Variants in ATG2B observed in about 807,000 individuals in gnomAD.
ATG2B encodes the protein autophagy related 2B, also known as autophagy-related protein 2 homolog B.
In ATG2B, 121 loss-of-function variants were observed where a neutral mutation model predicts 241.3. The observed-to-expected ratio is 0.50, with a 90% CI of 0.43 to 0.58. The LOEUF (loss-of-function observed/expected upper bound fraction) is 0.58. Among genes scored for constraint, ATG2B ranks in the 20% least tolerant of loss-of-function variants. The pLI is 0.00. For synonymous variants in ATG2B, 858 were observed against 876.6 expected, an observed-to-expected ratio of 0.98 and a Z score of 0.37; for missense variants, 2,306 against 2,491.6, an observed-to-expected ratio of 0.93 and a Z score of 1.59.
chr14:96,290,509 C>G lies in ATG2B; in HGVS notation c.5783G>C (p.Gly1928Ala). 1 of 1,614,198 alleles carries G rather than the reference C, an allele frequency of 6.2e-7. No homozygotes were observed. The highest frequency in any genetic ancestry group is 8.5e-7 in the Non-Finnish European group (1 of 1,180,038). ...TGTCGAGGTACCAAAGGAAGCAGCGCCTCTCTGAAACCCTCTGACAATGCG... is the reference window on the plus strand; with the variant it reads ...TGTCGAGGTACCAAAGGAAGCAGCGGCTCTCTGAAACCCTCTGACAATGCG... Reference protein sequence around the residue: ...DGRIVRGFQRGAASFGTSTAM... With the variant: ...DGRIVRGFQRAAASFGTSTAM... Residue 1928 changes from glycine to alanine, a missense_variant, in exon 40 of 42, where the codon GGC (glycine) becomes GCC (alanine). By Grantham distance (60) the Gly-to-Ala change is moderately conservative. This residue lies in a region of ATG2B where 379 missense variants were observed against 480.4 expected (regional missense o/e 0.79). Coordinates refer to ENST00000359933, the MANE Select transcript of ATG2B (RefSeq NM_018036.7). This position sits in a 1 kb window ranked among gnomAD's most constrained non-coding sequence, Gnocchi z 4.4.
intron 1 of ATG2B, among the ~76,000 whole-genome samples, chr14:96,357,497 C>T (rs1336190857): frequency 6.6e-6 from 1 of 152,010 alleles, no homozygotes; most frequent in Non-Finnish European, 1.5e-5. Flanking sequence ...TCTAAAGCCC[C>T]CTCAAAAATC....
At position 96,285,494 on chromosome 14, in the gene ATG2B, G is replaced by A. The variant is rs1172626883; in HGVS notation, c.*261C>T. 5 of 484,076 alleles carry A rather than the reference G, an allele frequency of 1.0e-5. No homozygotes were observed. Among genetic ancestry groups the A allele is most frequent in the South Asian group, 9.9e-5 (4 of 40,402 alleles). 30.0% of individuals were successfully genotyped at this position (484,076 alleles called of 1,614,324 possible). On this transcript the variant is annotated 3_prime_UTR_variant, in exon 42 of 42. Transcript: ENST00000359933. This position sits in a 1 kb window ranked among gnomAD's most constrained non-coding sequence, Gnocchi z 4.2. The stretch of plus-strand genomic sequence containing the variant: ...GAGAATTACAGTCATCTTAACAAAA[G>A]TGAGCCTTCCACTAACTTGGCAGCA...
intron 36 of ATG2B, chr14:96,293,263 C>G (rs1049029700): frequency 2.6e-5 from 4 of 152,238 alleles, no homozygotes; most frequent in Admixed American, 1.3e-4. Context: ...TACCAGAAGC[C>G]TCAGACCCCA....
intron 6 of ATG2B, among the ~76,000 whole-genome samples, chr14:96,337,610 G>A (rs1416716760): frequency 2.0e-5 from 3 of 152,102 alleles, no homozygotes; most frequent in Admixed American, 2.0e-4. Context: ...TTATTTCTGG[G>A]TTCTCTATTC....
rs1285839545 is a variant in ATG2B, at chr14:96,291,636, G to C, written c.5543C>G (p.Ser1848Cys). The change falls in exon 38 of 42, where the codon TCT becomes TGT. Residue 1848 changes from serine (S) to cysteine (C), a missense_variant. This residue lies in a region of ATG2B where 379 missense variants were observed against 480.4 expected (regional missense o/e 0.79). Transcript: ENST00000359933. ...GGAAAGCCTCTTGAGCTTTAGTTCA[G>C]AGCAGTTTAACTGAGCCAGACCAAT... ...ILIGLAQLNC[S>C]ELKLKRLSYR... 2 of 1,609,134 alleles carry C rather than the reference G, an allele frequency of 1.2e-6. No homozygotes were observed. The highest frequency in any genetic ancestry group is 4.5e-5 in the East Asian group (2 of 44,750).
rs147255654 is a variant in ATG2B at position 96,354,191 on chromosome 14, C to G, written c.163-6850G>C. ...GTAGTACATCCAGGTTTGTTACATA[C>G]GTAAATGTGTCCCATGGTGGTTTGC... On this transcript the variant is annotated intron_variant, in intron 1 of 41. Transcript: ENST00000359933. Among the ~76,000 whole-genome samples the G allele has an allele frequency of 5.4e-3, 820 of 152,252 alleles. 28 individuals are homozygous for G. The South Asian group carries it at 0.067, about 12-fold the overall frequency.
intron 8 of ATG2B, among the ~76,000 whole-genome samples, chr14:96,333,450 T>C (rs1269250722): frequency 2.0e-5 from 3 of 152,156 alleles, no homozygotes; most frequent in Non-Finnish European, 2.9e-5. Flanking sequence ...GACTAAATCA[T>C]TTAGAAAACA....
intron 3 of ATG2B, 37 bp from the exon 4 acceptor site, chr14:96,344,793 C>A (rs528710066): frequency 3.3e-6 from 3 of 906,568 alleles, no homozygotes; most frequent in Admixed American, 5.3e-5. Flanking sequence ...TAAGAGACCA[C>A]ATATATGCTA....
chr14:96,296,316 A>C (rs892746944), intron 34 of ATG2B, among the ~76,000 whole-genome samples: 3 of 152,142 alleles, frequency 2.0e-5, no homozygotes, highest in African/African-American at 7.2e-5. Flanking sequence ...TTACAAACAA[A>C]AACTGCATGG....
chr14:96,317,963 G>C (rs1001310708), intron 18 of ATG2B, 108 bp from the exon 19 acceptor site: 2 of 764,056 alleles, frequency 2.6e-6, no homozygotes, highest in African/African-American at 3.5e-5. Context: ...TTTTTTAAAC[G>C]GCAAAATGGA....
chr14:96,304,187 T>G (rs1209518730), intron 32 of ATG2B, among the ~76,000 whole-genome samples: 1 of 152,198 alleles, frequency 6.6e-6, no homozygotes, highest in East Asian at 1.9e-4. Context: ...ACTTCCTGAA[T>G]CAGAAACTCT....
intron 29 of ATG2B, among the ~76,000 whole-genome samples, chr14:96,307,798 T>C (rs1886994341): frequency 6.6e-6 from 1 of 152,126 alleles, no homozygotes; most frequent in African/African-American, 2.4e-5. Flanking sequence ...CCAAACTGGA[T>C]ACCTAATCTT....
At chr14:96,312,733 C>G (rs555871777) in intron 25 of ATG2B, among the ~76,000 whole-genome samples, 5 of 152,008 alleles carry the variant, frequency 3.3e-5, no homozygotes, top group Admixed American at 6.5e-5. Context: ...CTGGGCCACA[C>G]AGAGCAAGAC....
At position 96,332,616 on chromosome 14, in the gene ATG2B, G is replaced by C; in HGVS notation, c.1247C>G (p.Ser416Cys). 6.3e-7 allele frequency: 1 copy of C among 1,596,032 alleles called. No individual in the cohort carries two copies. Among genetic ancestry groups the C allele is most frequent in the Non-Finnish European group, 8.5e-7 (1 of 1,174,744 alleles). Residue 416 changes from serine (S) to cysteine (C), a missense_variant, in exon 9 of 42, where the codon TCT becomes TGT. By Grantham distance (112) the Ser-to-Cys change is moderately radical. Transcript: ENST00000359933. Reference sequence around the variant, plus strand: ...GGGTGGAAGAGAAGAGAGACTATGAGACATGTCCATATCAGCCATGGAGAA... The same window carrying C: ...GGGTGGAAGAGAAGAGAGACTATGACACATGTCCATATCAGCCATGGAGAA... Reference protein sequence around the residue: ...VFFSMADMDMSHSLSSLPPLG... With the variant: ...VFFSMADMDMCHSLSSLPPLG...
intron 30 of ATG2B, 68 bp downstream of exon 30, chr14:96,306,646 C>T: frequency 7.4e-7 from 1 of 1,355,142 alleles, no homozygotes; most frequent in Non-Finnish European, 1.0e-6. Context: ...AGAATTTTCT[C>T]CAGGTACCCT....
chr14:96,348,447 C>G (rs1160928721), intron 1 of ATG2B, among the ~76,000 whole-genome samples: 2 of 152,098 alleles, frequency 1.3e-5, no homozygotes, highest in African/African-American at 4.8e-5. Context: ...CTTTGGGAGG[C>G]TGAGACGGGC....
At chr14:96,333,896 C>T in intron 7 of ATG2B, 23 bp from the exon 8 acceptor site, 6 of 1,591,572 alleles carry the variant, frequency 3.8e-6, no homozygotes, top group Non-Finnish European at 5.2e-6. Flanking sequence ...AAAAGGAAAC[C>T]AAAACAGTAA....
intron 36 of ATG2B, among the ~76,000 whole-genome samples, chr14:96,294,230 C>G (rs997496780): frequency 2.6e-5 from 4 of 152,210 alleles, no homozygotes; most frequent in African/African-American, 9.7e-5. Flanking sequence ...CAACCCGGGA[C>G]ATATGAGAAA....
intron 1 of ATG2B, among the ~76,000 whole-genome samples, chr14:96,353,956 C>T (rs1437263949): frequency 6.6e-6 from 1 of 151,694 alleles, no homozygotes; most frequent in Non-Finnish European, 1.5e-5. Context: ...TTTTTAAATC[C>T]CACTGGATGA....
Sources: allele counts gnomAD v4.1 joint callset (sites outside exome capture counted in the v4.1 genomes callset), GRCh38; gene constraint gnomAD v4.1.1; regional missense constraint gnomAD v4.1.1; non-coding constraint Gnocchi (gnomAD v3.1); transcripts MANE v1.5; gene names NCBI Gene and HGNC (gene_info 2026-07-23, HGNC 2026-07-21).